Variants in B4GALT4 observed in about 807,000 individuals in gnomAD.
B4GALT4 encodes N-acetyllactosamine synthase.
B4GALT4 carries 27 observed loss-of-function variants against 37.3 expected under a neutral mutation model. The observed-to-expected ratio is 0.72, with a 90% CI of 0.53 to 1.00. The LOEUF (loss-of-function observed/expected upper bound fraction) is 1.00. Among genes scored for constraint, B4GALT4 ranks in the 50% least tolerant of loss-of-function variants. The pLI, the probability that B4GALT4 is intolerant of heterozygous loss-of-function variation, is 0.00. For missense variants in B4GALT4, 372 were observed against 413.1 expected (o/e 0.90, Z 0.86); for synonymous variants, 148 against 154.1 (o/e 0.96, Z 0.29).
intron 7 of B4GALT4, chr3:119,214,889 T>C (rs879317448): frequency 2.0e-5 from 3 of 152,196 alleles, no homozygotes; most frequent in African/African-American, 4.8e-5. Flanking sequence ...AATGCATAGA[T>C]TAGACTGGCA....
rs535096540 is a variant in B4GALT4, at chr3:119,216,348, G to A, written c.798-4C>T. On this transcript the variant is annotated splice_polypyrimidine_tract_variant and splice_region_variant and intron_variant, in intron 6 of 7. Transcript: ENST00000393765. ...TTTCATTCTTTGGAGCTCAACCCTA[G>A]AAAAATAATAGAGATTTTTTTAAAG... 4.4e-6 allele frequency: 7 copies of A among 1,607,054 alleles called. No individual in the cohort carries two copies. In the African/African-American group the frequency reaches 9.4e-5, roughly 22 times the overall value.
At chr3:119,222,787 T>A (rs77165512) in intron 5 of B4GALT4, among the ~76,000 whole-genome samples, 1 of 152,198 alleles carries the variant, frequency 6.6e-6, no homozygotes, top group Non-Finnish European at 1.5e-5. Flanking sequence ...CCACCTTACC[T>A]GGGGAACAGC....
chr3:119,212,835 T>G (rs2107450069), intron 7 of B4GALT4, 154 bp from the exon 8 acceptor site: 1 of 698,212 alleles, frequency 1.4e-6, no homozygotes, highest in South Asian at 2.1e-5. Flanking sequence ...CCATTGAAGG[T>G]GACAGACATG....
chr3:119,236,325 A>C (rs987530525), intron 2 of B4GALT4: 2 of 151,402 alleles, frequency 1.3e-5, no homozygotes, highest in African/African-American at 2.4e-5. Flanking sequence ...AAAAAAACAG[A>C]CATTAGTAGG....
intron 1 of B4GALT4, 178 bp downstream of exon 1, chr3:119,240,672 C>CG (rs970773470): frequency 4.6e-5 from 7 of 152,354 alleles, no homozygotes; most frequent in Admixed American, 2.6e-4. Context: ...CGTAGGCCCC[C>CG]GGCCCGGCCC....
intron 1 of B4GALT4, among the ~76,000 whole-genome samples, chr3:119,239,069 C>T (rs2079069918): frequency 6.6e-6 from 1 of 152,112 alleles, no homozygotes; most frequent in Non-Finnish European, 1.5e-5. Context: ...CCATGGTACA[C>T]ATCTGTAATC....
chr3:119,230,388 G>GA (rs879410333), intron 2 of B4GALT4, 144 bp from the exon 3 acceptor site: 2 of 375,474 alleles, frequency 5.3e-6, no homozygotes, highest in Non-Finnish European at 9.7e-6. Flanking sequence ...TTAGAGATTC[G>GA]AAAACCAGAG....
At chr3:119,224,362 A>C (rs2078538055) in intron 4 of B4GALT4, 117 bp from the exon 5 acceptor site, 3 of 674,658 alleles carry the variant, frequency 4.4e-6, no homozygotes, top group Non-Finnish European at 6.8e-6. Flanking sequence ...ACGAGACTAC[A>C]CTTGTGACAT....
At chr3:119,232,189 T>C (rs546848313) in intron 2 of B4GALT4, among the ~76,000 whole-genome samples, 2 of 152,282 alleles carry the variant, frequency 1.3e-5, no homozygotes, top group East Asian at 3.9e-4. Context: ...AATTAAACAA[T>C]ATGGCCTGTG....
At chr3:119,230,872 T>C (rs1369916362) in intron 2 of B4GALT4, among the ~76,000 whole-genome samples, 1 of 152,180 alleles carries the variant, frequency 6.6e-6, no homozygotes, top group Non-Finnish European at 1.5e-5. Context: ...ATAACAAAAC[T>C]ACAGCACAGT....
intron 7 of B4GALT4, chr3:119,215,730 G>A (rs2078272764): frequency 6.6e-6 from 1 of 152,088 alleles, no homozygotes; most frequent in African/African-American, 2.4e-5. Context: ...AAATATCAAG[G>A]AACACATAAA....
intron 6 of B4GALT4, among the ~76,000 whole-genome samples, chr3:119,217,495 CA>C (rs2078323591): frequency 6.6e-6 from 1 of 151,906 alleles, no homozygotes; most frequent in South Asian, 2.1e-4. Flanking sequence ...GATGAGGCAA[CA>C]AAAAAATTTC....
At chr3:119,231,808 A>T (rs559400498) in intron 2 of B4GALT4, among the ~76,000 whole-genome samples, 4,839 of 98,224 alleles carry the variant, frequency 0.049, 261 homozygotes, top group African/African-American at 0.18. Context: ...ATATAAAATA[A>T]TATATTTTAT....
chr3:119,226,554 T>C (rs1345533026), intron 4 of B4GALT4: 4 of 480,436 alleles, frequency 8.3e-6, no homozygotes, highest in African/African-American at 1.9e-5. Flanking sequence ...TTGGCTAACA[T>C]GGAAGGGCTC....
chr3:119,234,892 T>A (rs1190656083), intron 2 of B4GALT4: 1 of 152,244 alleles, frequency 6.6e-6, no homozygotes, highest in Admixed American at 6.5e-5. Flanking sequence ...AAAATGGTCA[T>A]GTTTTCATAT....
chr3:119,232,583 T>C (rs2078857386), intron 2 of B4GALT4: 1 of 152,210 alleles, frequency 6.6e-6, no homozygotes, highest in African/African-American at 2.4e-5. Context: ...TCTACCTCTC[T>C]CCCACATCTG....
intron 1 of B4GALT4, chr3:119,240,460 C>T (rs2079121739): frequency 6.6e-6 from 1 of 152,378 alleles, no homozygotes; most frequent in Non-Finnish European, 1.5e-5. Flanking sequence ...GGAGGGTTTC[C>T]AGGAAGAAGG....
chr3:119,230,329 T>C (rs942823537), intron 2 of B4GALT4, 85 bp from the exon 3 acceptor site: 26 of 577,404 alleles, frequency 4.5e-5, no homozygotes, highest in Non-Finnish European at 6.6e-5. Context: ...TGAAAACCCA[T>C]CCCCGATGGA....
chr3:119,212,554 C>A lies in B4GALT4; in HGVS notation c.1030G>T (p.Ala344Ser), dbSNP rs150344141. 8,767 of 1,597,036 alleles carry A rather than the reference C, an allele frequency of 5.5e-3. 47 individuals are homozygous for A. Among genetic ancestry groups the A allele is most frequent in the South Asian group, 0.014 (1,258 of 86,852 alleles). ...INITVDFWFG[A>S] The stretch of plus-strand genomic sequence containing the variant: ...CATCACCAAAAGACCCAGGGTCATG[C>A]ACCAAACCAGAAATCCACTGTGATG... Residue 344 changes from alanine (A) to serine (S), a missense_variant, in exon 8 of 8, where the codon GCA (alanine) becomes TCA (serine). Coordinates refer to ENST00000393765, the MANE Select transcript of B4GALT4 (RefSeq NM_003778.4).
Sources: gnomAD v4.1 joint callset for allele counts (sites outside exome capture counted in the v4.1 genomes callset) on GRCh38, gnomAD v4.1.1 for gene constraint, MANE v1.5 for transcripts, NCBI Gene and HGNC (gene_info 2026-07-23, HGNC 2026-07-21) for gene names.